Variants in AACS observed in about 807,000 individuals in gnomAD.
AACS encodes the protein acetoacetate-CoA ligase.
AACS carries 69 observed loss-of-function variants against 83.1 expected under a neutral mutation model. The observed-to-expected ratio is 0.83, with a 90% confidence interval of 0.68 to 1.01. The LOEUF is 1.01. Among genes scored for constraint, AACS ranks in the 50% least tolerant of loss-of-function variants. The pLI is 0.00. For missense variants in AACS, 866 were observed against 882.2 expected (o/e 0.98, Z 0.23); for synonymous variants, 333 against 343.4 (o/e 0.97, Z 0.33).
At chr12:125,104,173 C>T (rs921021075) in intron 7 of AACS, among the ~76,000 whole-genome samples, 1 of 151,988 alleles carries the variant, frequency 6.6e-6, no homozygotes, top group Non-Finnish European at 1.5e-5. Context: ...CGTTTACCCC[C>T]ACGGGGTAAG....
rs57736489 is a variant in AACS at position 125,080,881 on chromosome 12, T to C, written c.358+4270T>C. On this transcript the variant is annotated intron_variant, in intron 3 of 17. Coordinates refer to ENST00000316519, the MANE Select transcript of AACS (RefSeq NM_023928.5). ...TAATTTTTTGTATTTTTAGTAGAGATGGGGTTTCACCGTGTTAGCCAGGAT... is the reference window on the plus strand; with the variant it reads ...TAATTTTTTGTATTTTTAGTAGAGACGGGGTTTCACCGTGTTAGCCAGGAT... Among the ~76,000 whole-genome samples the C allele has an allele frequency of 5.6e-3, 849 of 151,908 alleles. 11 individuals carry two copies. Among genetic ancestry groups the C allele is most frequent in the African/African-American group, 0.02 (816 of 41,380 alleles).
chr12:125,102,655 A>G (rs942773979), intron 5 of AACS, 24 bp from the exon 6 acceptor site: 4 of 1,608,714 alleles, frequency 2.5e-6, no homozygotes, highest in Non-Finnish European at 2.6e-6. Context: ...ATGATCAATG[A>G]TGACTTTTTC....
intron 7 of AACS, chr12:125,105,716 C>T (rs7953077): frequency 0.29 from 44,760 of 152,138 alleles, 8,121 homozygotes; most frequent in East Asian, 0.42. Context: ...GAAACGGGTA[C>T]GTGCCCATCT....
chr12:125,109,192 C>T (rs1406791176), intron 8 of AACS, among the ~76,000 whole-genome samples: 3 of 150,966 alleles, frequency 2.0e-5, no homozygotes, highest in African/African-American at 4.9e-5. Flanking sequence ...AGTGCAGTGG[C>T]GTGATCATGG....
chr12:125,141,541 C>CA (rs1957490720), intron 17 of AACS: 3 of 152,308 alleles, frequency 2.0e-5, no homozygotes, highest in African/African-American at 7.3e-5. Flanking sequence ...ACTAAAAATA[C>CA]AAAAAATTAG....
intron 7 of AACS, among the ~76,000 whole-genome samples, chr12:125,104,593 G>C (rs548514746): frequency 6.6e-6 from 1 of 152,306 alleles, no homozygotes; most frequent in South Asian, 2.1e-4. Flanking sequence ...GTGGCTTTGA[G>C]GTATGAGCAG....
At chr12:125,088,228 T>TA (rs1457122467) in intron 4 of AACS, among the ~76,000 whole-genome samples, 1 of 151,270 alleles carries the variant, frequency 6.6e-6, no homozygotes, top group Non-Finnish European at 1.5e-5. Context: ...AGCAGACTTT[T>TA]TTTTTTTTTT....
At position 125,067,208 on chromosome 12, in the gene AACS, C is replaced by T. The variant is rs185186037; in HGVS notation, c.133+1491C>T. Among the ~76,000 whole-genome samples, 468 of 152,278 alleles carry T rather than the reference C, an allele frequency of 3.1e-3. 5 individuals carry two copies. The highest frequency in any genetic ancestry group is 3.5e-3 in the Non-Finnish European group (240 of 68,016). On this transcript the variant is annotated intron_variant, in intron 1 of 17. Transcript: ENST00000316519. ...CCTAGGCTAACCCAGAGCTGTTCCT[C>T]TCCTTCCCTTCCTCTCCCTTGGAGA...
At chr12:125,134,771 C>T (rs1023861664) in intron 15 of AACS, 23 bp from the exon 16 acceptor site, 3 of 1,613,952 alleles carry the variant, frequency 1.9e-6, no homozygotes, top group African/African-American at 1.3e-5. Context: ...GCGGTGTGGC[C>T]CTGACCTCTT....
At chr12:125,114,590 T>C (rs758211229) in intron 9 of AACS, 33 bp downstream of exon 9, 30 of 1,584,920 alleles carry the variant, frequency 1.9e-5, no homozygotes, top group Middle Eastern at 1.7e-4. Context: ...GCCTGTGCTA[T>C]ACCACAATAG....
At chr12:125,114,376 C>A in intron 8 of AACS, 101 bp from the exon 9 acceptor site, 2 of 889,510 alleles carry the variant, frequency 2.2e-6, no homozygotes, top group Non-Finnish European at 1.7e-6. Context: ...TCTGCTGGGG[C>A]TTCTTCCTGG....
chr12:125,073,788 A>G (rs1401479673), intron 1 of AACS, 88 bp from the exon 2 acceptor site: 5 of 1,090,008 alleles, frequency 4.6e-6, no homozygotes, highest in Non-Finnish European at 5.4e-6. Flanking sequence ...TCGCTTGGAC[A>G]TGCTCAAGGC....
intron 5 of AACS, chr12:125,092,730 A>G: frequency 6.6e-6 from 1 of 152,216 alleles, no homozygotes; most frequent in East Asian, 1.9e-4. Flanking sequence ...TGACCTAGAC[A>G]GAAACTCAAC....
At chr12:125,133,081 A>G (rs1352774533) in intron 14 of AACS, among the ~76,000 whole-genome samples, 3 of 152,246 alleles carry the variant, frequency 2.0e-5, no homozygotes, top group Non-Finnish European at 4.4e-5. Context: ...CTGCTGAGGC[A>G]GATGACTTCT....
intron 5 of AACS, among the ~76,000 whole-genome samples, chr12:125,098,059 C>A (rs1483847060): frequency 3.9e-5 from 6 of 152,110 alleles, no homozygotes; most frequent in Non-Finnish European, 7.4e-5. Flanking sequence ...CTTTCATCAC[C>A]TTTCTACTAT....
At chr12:125,075,979 G>A (rs1956011314) in intron 2 of AACS, among the ~76,000 whole-genome samples, 1 of 152,212 alleles carries the variant, frequency 6.6e-6, no homozygotes, top group Admixed American at 6.5e-5. Flanking sequence ...GAAAAAGGGA[G>A]TCCTGCCATT....
rs559006597 is a variant in AACS at position 125,114,319 on chromosome 12, G to C, written c.916-158G>C. On this transcript the variant is annotated intron_variant, in intron 8 of 17. Coordinates refer to ENST00000316519, the MANE Select transcript of AACS (RefSeq NM_023928.5). ...GGGGCATGGCTCATCACAGGGGAGT[G>C]GGGGGAACCCTCCAAAGTCTGCTTC... The C allele has an allele frequency of 1.2e-5, 7 of 571,060 alleles. No individual in the cohort carries two copies. In the East Asian group the frequency reaches 2.2e-4, roughly 18 times the overall value. 35.4% of individuals were successfully genotyped at this position (571,060 alleles called of 1,614,324 possible). A position where few individuals can be genotyped will look rare whatever the true frequency, so the allele number is the denominator to read the frequency against.
Position 125,113,677 on chromosome 12 carries a change from G to A in AACS, c.916-800G>A, listed in dbSNP as rs78428072. The stretch of plus-strand genomic sequence containing the variant: ...CTGTTAGGTGGAAAAGGCAAAGTGC[G>A]GGACACTGTGTCACAATGAACAAAA... On this transcript the variant is annotated intron_variant, in intron 8 of 17. Coordinates refer to ENST00000316519, the MANE Select transcript of AACS (RefSeq NM_023928.5). The surrounding 1 kb of genome is among the most constrained non-coding windows in gnomAD (Gnocchi z 4.8). Among the ~76,000 whole-genome samples the A allele has an allele frequency of 2.3e-3, 346 of 152,290 alleles. 4 individuals are homozygous for A. Among genetic ancestry groups the A allele is most frequent in the African/African-American group, 7.8e-3 (323 of 41,554 alleles).
At chr12:125,110,635 C>T (rs961348089) in intron 8 of AACS, among the ~76,000 whole-genome samples, 2 of 152,144 alleles carry the variant, frequency 1.3e-5, no homozygotes, top group Non-Finnish European at 2.9e-5. Context: ...GGAGAAAAAT[C>T]CACTGTATCT....
Sources: allele counts gnomAD v4.1 joint callset (sites outside exome capture counted in the v4.1 genomes callset), GRCh38; gene constraint gnomAD v4.1.1; non-coding constraint Gnocchi (gnomAD v3.1); transcripts MANE v1.5; gene names NCBI Gene and HGNC (gene_info 2026-07-23, HGNC 2026-07-21).